KCNAB1: variants seen among roughly 807,000 people sequenced by gnomAD.
KCNAB1 encodes voltage-gated potassium channel subunit beta-1.
A neutral mutation model predicts 64.6 loss-of-function variants in KCNAB1; 35 were observed. That is an observed-to-expected ratio of 0.54 (90% CI 0.41 to 0.72). The LOEUF is 0.72. Among genes scored for constraint, KCNAB1 ranks in the 30% least tolerant of loss-of-function variants. The pLI is 0.00. For synonymous variants in KCNAB1, 177 were observed against 183.8 expected, an observed-to-expected ratio of 0.96 and a Z score of 0.30; for missense variants, 401 against 512.9, an observed-to-expected ratio of 0.78 and a Z score of 2.11.
intron 1 of KCNAB1, among the ~76,000 whole-genome samples, chr3:156,393,885 G>A (rs1401475188): frequency 6.6e-6 from 1 of 152,212 alleles, no homozygotes; most frequent in East Asian, 1.9e-4. Flanking sequence ...GCAGCACCAG[G>A]AAGAAGATGC....
chr3:156,301,561 G>T, intron 1 of KCNAB1, among the ~76,000 whole-genome samples: 1 of 152,156 alleles, frequency 6.6e-6, no homozygotes, highest in Non-Finnish European at 1.5e-5. Context: ...ACTCTAAAGA[G>T]ACCCAAATAG....
intron 1 of KCNAB1, among the ~76,000 whole-genome samples, chr3:156,230,482 C>T (rs1190939312): frequency 1.3e-5 from 2 of 152,162 alleles, no homozygotes; most frequent in Admixed American, 6.5e-5. Flanking sequence ...TGATACATTT[C>T]TCAGAATGTA....
At chr3:156,275,597 C>T (rs907455343) in intron 1 of KCNAB1, among the ~76,000 whole-genome samples, 1 of 152,194 alleles carries the variant, frequency 6.6e-6, no homozygotes, top group African/African-American at 2.4e-5. Flanking sequence ...GCTTGATCAA[C>T]CAAGCTTACG....
chr3:156,292,017 G>A, intron 1 of KCNAB1: 4 of 1,614,158 alleles, frequency 2.5e-6, no homozygotes, highest in East Asian at 2.2e-5. Flanking sequence ...AACGCAGCCC[G>A]GGCCAAATTC....
At chr3:156,444,184 G>T (rs918888602) in intron 2 of KCNAB1, among the ~76,000 whole-genome samples, 1 of 152,102 alleles carries the variant, frequency 6.6e-6, no homozygotes. Context: ...ATTTGAAAAA[G>T]AACACGTCCA....
chr3:156,387,330 G>A (rs1450918932), intron 1 of KCNAB1, among the ~76,000 whole-genome samples: 1 of 152,174 alleles, frequency 6.6e-6, no homozygotes, highest in Admixed American at 6.5e-5. Flanking sequence ...TGGACAGAGA[G>A]ACAAGCCCAA....
intron 1 of KCNAB1, among the ~76,000 whole-genome samples, chr3:156,150,016 GA>G (rs1715308130): frequency 6.6e-6 from 1 of 152,168 alleles, no homozygotes; most frequent in South Asian, 2.1e-4. Flanking sequence ...ATGTCCACAT[GA>G]TTTATTTTAG....
chr3:156,139,584 G>GTTTTTTTTTTTTTTTTTTTTTTTTTT (rs386398329), intron 1 of KCNAB1, among the ~76,000 whole-genome samples: 1 of 55,256 alleles, frequency 1.8e-5, no homozygotes, highest in African/African-American at 7.6e-5. Flanking sequence ...ATTGTACTGT[G>GTTTTTTTTTTTTTTTTTTTTTTTTTT]TTTTTTTTTT....
chr3:156,419,326 C>T (rs1282820930), intron 1 of KCNAB1, among the ~76,000 whole-genome samples: 2 of 151,870 alleles, frequency 1.3e-5, no homozygotes, highest in African/African-American at 4.8e-5. Flanking sequence ...CACAGTGAAA[C>T]CCATCTCTAC....
intron 1 of KCNAB1, among the ~76,000 whole-genome samples, chr3:156,340,368 C>T (rs1724015409): frequency 6.6e-6 from 1 of 152,204 alleles, no homozygotes; most frequent in African/African-American, 2.4e-5. Context: ...CCCACTACAC[C>T]TCTCTTCGAG....
intron 8 of KCNAB1, among the ~76,000 whole-genome samples, chr3:156,504,566 C>A (rs1237963441): frequency 2.0e-5 from 3 of 151,976 alleles, no homozygotes; most frequent in South Asian, 4.1e-4. Context: ...TTCTTGCCAG[C>A]ATTTTTTTTT....
At position 156,332,434 on chromosome 3, in the gene KCNAB1, T is replaced by A. The variant is rs140666449; in HGVS notation, c.276-89182T>A. Among the ~76,000 whole-genome samples the A allele has an allele frequency of 4.6e-5, 7 of 152,276 alleles. No homozygotes were observed. In the East Asian group the frequency reaches 1.4e-3, roughly 29 times the overall value. On this transcript the variant is annotated intron_variant, in intron 1 of 13. Coordinates refer to ENST00000490337, the MANE Select transcript of KCNAB1 (RefSeq NM_172160.3). ...CTCTCAATTGTACCGTATTTACCCATAAACTTGTGCATTACATTTACTTGG... is the reference window on the plus strand; with the variant it reads ...CTCTCAATTGTACCGTATTTACCCAAAAACTTGTGCATTACATTTACTTGG...
chr3:156,299,928 C>A (rs2167143), intron 1 of KCNAB1, among the ~76,000 whole-genome samples: 56,685 of 152,062 alleles, frequency 0.37, 14,149 homozygotes, highest in African/African-American at 0.72. Flanking sequence ...ATCATTCATT[C>A]AGCTCTAAAG....
At chr3:156,143,582 T>TTTTTTTTTG (rs1553807995) in intron 1 of KCNAB1, among the ~76,000 whole-genome samples, 24 of 32,942 alleles carry the variant, frequency 7.3e-4, no homozygotes, top group Non-Finnish European at 1.3e-3. Flanking sequence ...TTTTTTTTTT[T>TTTTTTTTTG]TTTTTTTTTT....
chr3:156,440,632 C>T (rs1716925422), intron 2 of KCNAB1, among the ~76,000 whole-genome samples: 1 of 152,280 alleles, frequency 6.6e-6, no homozygotes. Context: ...AAGAAATAGA[C>T]TTAGAAATAG....
At chr3:156,524,614 G>A (rs1273396461) in intron 12 of KCNAB1, among the ~76,000 whole-genome samples, 3 of 152,060 alleles carry the variant, frequency 2.0e-5, no homozygotes, top group East Asian at 3.9e-4. Flanking sequence ...GGGCGTGGTG[G>A]TGGGTGCCTG....
chr3:156,142,526 G>A (rs368385117), intron 1 of KCNAB1, among the ~76,000 whole-genome samples: 4 of 152,118 alleles, frequency 2.6e-5, no homozygotes, highest in East Asian at 3.8e-4. Context: ...ACCATTTGAT[G>A]GAAAAGCTAT....
intron 1 of KCNAB1, among the ~76,000 whole-genome samples, chr3:156,159,093 T>A (rs1715925093): frequency 1.3e-5 from 2 of 151,866 alleles, no homozygotes; most frequent in Admixed American, 1.3e-4. Flanking sequence ...AATAATTGAG[T>A]CTGGAGGGCA....
intron 1 of KCNAB1, among the ~76,000 whole-genome samples, chr3:156,260,409 C>G (rs914979799): frequency 6.6e-6 from 1 of 152,180 alleles, no homozygotes; most frequent in Non-Finnish European, 1.5e-5. Context: ...TTCGCTCATT[C>G]CTGTTTGCAG....
Sources: allele counts gnomAD v4.1 joint callset (sites outside exome capture counted in the v4.1 genomes callset), GRCh38; gene constraint gnomAD v4.1.1; transcripts MANE v1.5; gene names NCBI Gene and HGNC (gene_info 2026-07-23, HGNC 2026-07-21).